DSG2: variants seen among roughly 807,000 people sequenced by gnomAD.
The protein encoded by DSG2 is desmoglein-2.
In DSG2, 45 loss-of-function variants were observed where a neutral mutation model predicts 75.6. The ratio of observed to expected loss-of-function variants is 0.60; its 90% CI spans 0.47 to 0.76. The LOEUF (loss-of-function observed/expected upper bound fraction) is 0.76. Ranked by LOEUF, DSG2 falls within the 30% of genes least tolerant of loss-of-function variation. The probability of loss-of-function intolerance (pLI) is 0.00; values close to 1 mark genes in which losing one functional copy is unlikely to be tolerated. For synonymous variants in DSG2, 429 were observed against 483.9 expected (o/e 0.89, Z 1.49); for missense variants, 1,267 against 1,357.4 (o/e 0.93, Z 1.05).
intron 13 of DSG2, 36 bp downstream of exon 13, chr18:31,541,350 T>C (rs1199332691): frequency 1.2e-6 from 2 of 1,612,254 alleles, no homozygotes; most frequent in African/African-American, 1.3e-5. Flanking sequence ...CTTGTCTTCT[T>C]CTTGGGTTTT....
Position 31,546,831 on chromosome 18 carries a change from C to T in DSG2, c.*88C>T. On this transcript the variant is annotated 3_prime_UTR_variant, in exon 15 of 15. Coordinates refer to ENST00000261590, the MANE Select transcript of DSG2 (RefSeq NM_001943.5). ...TGTACCTGATTTTTCATGAGCCTTA[C>T]AGACACACAGAGACACATACACATT... is the stretch of plus-strand genomic sequence containing the variant. 1.4e-6 allele frequency: 2 copies of T among 1,399,462 alleles called. No individual in the cohort carries two copies. Among genetic ancestry groups the T allele is most frequent in the Non-Finnish European group, 2.0e-6 (2 of 987,376 alleles). 86.7% of individuals were successfully genotyped at this position (1,399,462 alleles called of 1,614,324 possible). A position where few individuals can be genotyped will look rare whatever the true frequency, so the allele number is the denominator to read the frequency against.
intron 9 of DSG2, among the ~76,000 whole-genome samples, chr18:31,533,325 A>C (rs977921106): frequency 6.6e-5 from 10 of 152,028 alleles, no homozygotes; most frequent in African/African-American, 2.2e-4. Context: ...TTTTTTTTTC[A>C]ATTAGCCAGG....
chr18:31,519,775 A>G, intron 2 of DSG2, 28 bp from the exon 3 acceptor site: 1 of 1,608,616 alleles, frequency 6.2e-7, no homozygotes, highest in South Asian at 1.1e-5. Flanking sequence ...GACACATAAT[A>G]AATTTTGGCA....
At chr18:31,498,787 AGAGTG>A (rs1471207482) in intron 1 of DSG2, among the ~76,000 whole-genome samples, 8 of 152,340 alleles carry the variant, frequency 5.3e-5, no homozygotes, top group African/African-American at 1.9e-4. Context: ...TTGTATTCTT[AGAGTG>A]CAAAAAGTTG....
Position 31,522,282 on chromosome 18 carries a change from A to G in DSG2, c.690+33A>G, listed in dbSNP as rs544415946. Reference sequence around the variant, plus strand: ...AATATGTTATGTTGCCCATCTTTAAACTCTCTATCCTTTCCAGTTTCTCCT... The same window carrying G: ...AATATGTTATGTTGCCCATCTTTAAGCTCTCTATCCTTTCCAGTTTCTCCT... On this transcript the variant is annotated intron_variant, in intron 6 of 14. Transcript: ENST00000261590. The G allele has an allele frequency of 1.6e-5, 26 of 1,588,430 alleles. No homozygotes were observed. In the East Asian group the frequency reaches 5.8e-4, roughly 36 times the overall value.
At chr18:31,505,170 G>A (rs750736523) in intron 1 of DSG2, among the ~76,000 whole-genome samples, 1 of 152,140 alleles carries the variant, frequency 6.6e-6, no homozygotes, top group Non-Finnish European at 1.5e-5. Flanking sequence ...TGCCACCATC[G>A]TATAGTTCTA....
intron 1 of DSG2, among the ~76,000 whole-genome samples, chr18:31,508,784 T>C (rs1409161186): frequency 5.3e-5 from 8 of 152,342 alleles, no homozygotes; most frequent in Admixed American, 3.3e-4. Flanking sequence ...TTATGAATTA[T>C]CCAGGCTCTC....
At chr18:31,532,351 T>C (rs761937436) in intron 9 of DSG2, among the ~76,000 whole-genome samples, 9 of 152,120 alleles carry the variant, frequency 5.9e-5, no homozygotes, top group Non-Finnish European at 1.2e-4. Context: ...GGTGCCCTCA[T>C]GACTTAATCA....
chr18:31,533,834 T>C (rs2073211998), intron 9 of DSG2, among the ~76,000 whole-genome samples: 1 of 152,196 alleles, frequency 6.6e-6, no homozygotes, highest in Admixed American at 6.5e-5. Context: ...TGCTATAAAT[T>C]AGCCACTCAT....
chr18:31,525,352 C>T (rs958226170), intron 8 of DSG2, among the ~76,000 whole-genome samples: 6 of 151,700 alleles, frequency 4.0e-5, no homozygotes, highest in South Asian at 2.1e-4. Flanking sequence ...CCCGCTTCTA[C>T]GAAAAAAAAT....
At chr18:31,542,923 G>C (rs960267749) in intron 14 of DSG2, 71 bp downstream of exon 14, 3 of 1,099,612 alleles carry the variant, frequency 2.7e-6, no homozygotes, top group Non-Finnish European at 3.7e-6. Flanking sequence ...GATATTATTA[G>C]GGTAATCATT....
At chr18:31,529,783 A>T (rs961087781) in intron 8 of DSG2, among the ~76,000 whole-genome samples, 1 of 152,206 alleles carries the variant, frequency 6.6e-6, no homozygotes, top group Non-Finnish European at 1.5e-5. Flanking sequence ...ATGGTCAGAG[A>T]TACTGGAAAT....
At chr18:31,533,004 T>C (rs1047464022) in intron 9 of DSG2, among the ~76,000 whole-genome samples, 1 of 152,208 alleles carries the variant, frequency 6.6e-6, no homozygotes, top group African/African-American at 2.4e-5. Flanking sequence ...CTGCCTTTTT[T>C]ATTTCTTAGT....
chr18:31,520,942 G>T lies in DSG2; in HGVS notation c.356G>T (p.Arg119Leu), dbSNP rs532305326. Residue 119 changes from arginine to leucine, a missense_variant, in exon 4 of 15, where the codon CGA becomes CTA. Arg to Leu is a moderately radical substitution (Grantham distance 102). Transcript: ENST00000261590. ...GELNVTSILD[R>L]EETPFFLLTG... Reference sequence around the variant, plus strand: ...CTGAATGTTACCAGCATTCTTGATCGAGAAGAAACACCATTTTTTCTGGTA... The same window carrying T: ...CTGAATGTTACCAGCATTCTTGATCTAGAAGAAACACCATTTTTTCTGGTA... 2 of 1,613,666 alleles carry T rather than the reference G, an allele frequency of 1.2e-6. No homozygotes were observed. Among genetic ancestry groups the T allele is most frequent in the Non-Finnish European group, 8.5e-7 (1 of 1,179,862 alleles).
chr18:31,522,437 A>C (rs2144318486), intron 6 of DSG2, 188 bp downstream of exon 6: 1 of 576,406 alleles, frequency 1.7e-6, no homozygotes, highest in Non-Finnish European at 3.0e-6. Flanking sequence ...TTAAAATGTG[A>C]CTGGCCCAAA....
intron 9 of DSG2, among the ~76,000 whole-genome samples, chr18:31,532,339 G>A (rs1009252331): frequency 6.6e-6 from 1 of 152,058 alleles, no homozygotes; most frequent in African/African-American, 2.4e-5. Flanking sequence ...ATTCATGAGG[G>A]TGGTGCCCTC....
At chr18:31,530,880 T>A in intron 8 of DSG2, 107 bp from the exon 9 acceptor site, 2 of 1,112,416 alleles carry the variant, frequency 1.8e-6, no homozygotes, top group Admixed American at 4.0e-5. Flanking sequence ...ATATTTCCTG[T>A]GCATTAAATT....
chr18:31,499,778 C>T (rs1275039648), intron 1 of DSG2, among the ~76,000 whole-genome samples: 1 of 152,110 alleles, frequency 6.6e-6, no homozygotes, highest in Admixed American at 6.5e-5. Flanking sequence ...AATTTGTACA[C>T]TCACAGAGTA....
At chr18:31,531,560 C>G (rs925036141) in intron 9 of DSG2, among the ~76,000 whole-genome samples, 1 of 152,206 alleles carries the variant, frequency 6.6e-6, no homozygotes, top group Non-Finnish European at 1.5e-5. Flanking sequence ...TTTTAAAAAC[C>G]TGTCTTATTT....
Sources: allele counts gnomAD v4.1 joint callset (sites outside exome capture counted in the v4.1 genomes callset), GRCh38; gene constraint gnomAD v4.1.1; transcripts MANE v1.5; gene names NCBI Gene and HGNC (gene_info 2026-07-23, HGNC 2026-07-21).